The following EBF1 variants were observed in gnomAD, a reference collection of about 807,000 sequenced individuals.
EBF1 encodes the protein transcription factor COE1.
EBF1 carries 10 observed loss-of-function variants against 68.4 expected under a neutral mutation model. The observed-to-expected ratio is 0.15, with a 90% CI of 0.09 to 0.25. The LOEUF (loss-of-function observed/expected upper bound fraction) is 0.25, where lower values mean the gene tolerates loss of function less well. Among genes scored for constraint, EBF1 ranks in the 10% least tolerant of loss-of-function variants. The probability of loss-of-function intolerance (pLI) is 1.00; values close to 1 mark genes in which losing one functional copy is unlikely to be tolerated. For synonymous variants in EBF1, 298 were observed against 299.8 expected, an observed-to-expected ratio of 0.99 and a Z score of 0.06; for missense variants, 509 against 794.4, an observed-to-expected ratio of 0.64 and a Z score of 4.32.
In EBF1 at chr5:158,835,191, C is replaced by T. The variant is rs184608030; in HGVS notation, c.636+4838G>A. Among the ~76,000 whole-genome samples the T allele has an allele frequency of 4.6e-5, 7 of 152,318 alleles. No individual in the cohort carries two copies. The East Asian group carries it at 1.3e-3, about 29-fold the overall frequency. On this transcript the variant is annotated intron_variant, in intron 7 of 15. Coordinates refer to ENST00000313708, the MANE Select transcript of EBF1 (RefSeq NM_024007.5). The stretch of plus-strand genomic sequence containing the variant: ...AGGACAGCTACAGCAAAGACTAATC[C>T]TCCCTGTCTTGGTTCGGTCCTAAGA...
At chr5:158,800,946 A>T (rs1780463659) in intron 8 of EBF1, among the ~76,000 whole-genome samples, 1 of 152,124 alleles carries the variant, frequency 6.6e-6, no homozygotes, top group South Asian at 2.1e-4. Context: ...TTAATACAAG[A>T]TTCTTTCTTC....
At position 158,886,246 on chromosome 5, in the gene EBF1, C is replaced by T. The variant is rs553290148; in HGVS notation, c.555-46136G>A. 4.6e-5 allele frequency among the ~76,000 whole-genome samples: 7 copies of T among 152,334 alleles called. No homozygotes were observed. In the South Asian group the frequency reaches 1.4e-3, roughly 32 times the overall value. ...AAAGCTGTGTGGACCAGTGGCTAAA[C>T]CACAAGTTTTACAAACCCAACAGAC... is the stretch of plus-strand genomic sequence containing the variant. On this transcript the variant is annotated intron_variant, in intron 6 of 15. Transcript: ENST00000313708.
chr5:158,857,581 C>CA (rs1159768593), intron 6 of EBF1, among the ~76,000 whole-genome samples: 3 of 152,056 alleles, frequency 2.0e-5, no homozygotes, highest in Non-Finnish European at 4.4e-5. Context: ...TTTCTTCCCT[C>CA]AAGAACTAAG....
chr5:158,935,329 C>T (rs1167908856), intron 6 of EBF1, among the ~76,000 whole-genome samples: 1 of 152,208 alleles, frequency 6.6e-6, no homozygotes, highest in African/African-American at 2.4e-5. Context: ...CACCAAGGAG[C>T]TGAGGACACA....
intron 6 of EBF1, among the ~76,000 whole-genome samples, chr5:159,021,454 C>T (rs1050543578): frequency 1.3e-5 from 2 of 152,228 alleles, no homozygotes; most frequent in African/African-American, 4.8e-5. Context: ...AACAGAACAA[C>T]CACCTCGAAC....
At chr5:158,895,281 T>G (rs1801952228) in intron 6 of EBF1, among the ~76,000 whole-genome samples, 1 of 152,160 alleles carries the variant, frequency 6.6e-6, no homozygotes, top group South Asian at 2.1e-4. Context: ...AAATAACATT[T>G]AGCCAGGTTC....
chr5:158,775,829 C>T (rs1775105455), intron 10 of EBF1, among the ~76,000 whole-genome samples: 1 of 134,678 alleles, frequency 7.4e-6, no homozygotes, highest in Admixed American at 7.7e-5. Flanking sequence ...CACACACACA[C>T]TGCTATGTGG....
intron 13 of EBF1, among the ~76,000 whole-genome samples, chr5:158,712,604 A>G (rs1464254349): frequency 6.6e-6 from 1 of 152,180 alleles, no homozygotes; most frequent in Admixed American, 6.5e-5. Flanking sequence ...TTTAGAGCAG[A>G]AATAAATCCC....
intron 6 of EBF1, among the ~76,000 whole-genome samples, chr5:158,934,794 T>C (rs1400141003): frequency 6.6e-6 from 1 of 152,230 alleles, no homozygotes; most frequent in Non-Finnish European, 1.5e-5. Context: ...TGGCACATAG[T>C]ATTCACTAAA....
At chr5:158,709,965 T>C (rs368620483) in intron 14 of EBF1, among the ~76,000 whole-genome samples, 17 of 152,086 alleles carry the variant, frequency 1.1e-4, no homozygotes, top group East Asian at 9.7e-4. Flanking sequence ...TTAACAGAGG[T>C]AGAGGTAAAA....
intron 6 of EBF1, among the ~76,000 whole-genome samples, chr5:158,960,821 A>G (rs764963479): frequency 6.6e-6 from 1 of 152,186 alleles, no homozygotes; most frequent in Non-Finnish European, 1.5e-5. Flanking sequence ...AGGATACCCA[A>G]TCAGCCCCGG....
intron 10 of EBF1, among the ~76,000 whole-genome samples, chr5:158,758,946 G>C (rs1267390842): frequency 6.6e-5 from 10 of 152,132 alleles, no homozygotes; most frequent in South Asian, 2.1e-4. Context: ...GCTTCATAAT[G>C]ATGATTTCTT....
intron 6 of EBF1, among the ~76,000 whole-genome samples, chr5:158,981,319 T>C (rs922660771): frequency 6.6e-6 from 1 of 152,232 alleles, no homozygotes; most frequent in African/African-American, 2.4e-5. Context: ...TTTAATCTTT[T>C]CACTGGAAAG....
intron 10 of EBF1, among the ~76,000 whole-genome samples, chr5:158,736,346 T>G (rs1320754314): frequency 6.6e-6 from 1 of 152,250 alleles, no homozygotes; most frequent in Non-Finnish European, 1.5e-5. Context: ...AGGGGAAAAG[T>G]GCTTTGGGTG....
intron 7 of EBF1, among the ~76,000 whole-genome samples, chr5:158,838,799 A>C (rs1166680667): frequency 6.6e-6 from 1 of 152,258 alleles, no homozygotes; most frequent in African/African-American, 2.4e-5. Context: ...CATACTTTAA[A>C]CACCATGCTG....
intron 6 of EBF1, among the ~76,000 whole-genome samples, chr5:158,891,871 T>G (rs1801245722): frequency 6.6e-6 from 1 of 152,154 alleles, no homozygotes; most frequent in East Asian, 1.9e-4. Context: ...AAACAAATGA[T>G]GCAAAGCTCA....
chr5:158,960,631 G>T (rs760395829), intron 6 of EBF1, among the ~76,000 whole-genome samples: 2 of 152,212 alleles, frequency 1.3e-5, no homozygotes, highest in African/African-American at 2.4e-5. Flanking sequence ...TTCTTCAAGA[G>T]GTGGAACTTC....
intron 6 of EBF1, among the ~76,000 whole-genome samples, chr5:158,977,573 T>A (rs1228734746): frequency 6.6e-6 from 1 of 152,222 alleles, no homozygotes; most frequent in Non-Finnish European, 1.5e-5. Flanking sequence ...AAATTTAGCA[T>A]CCTATCAGTT....
chr5:158,823,393 T>C, intron 7 of EBF1, 76 bp from the exon 8 acceptor site: 1 of 1,416,912 alleles, frequency 7.1e-7, no homozygotes, highest in South Asian at 1.4e-5. Flanking sequence ...GTTAAATAAA[T>C]AACAGCTGGG....
Sources: gnomAD v4.1 joint callset for allele counts (sites outside exome capture counted in the v4.1 genomes callset) on GRCh38, gnomAD v4.1.1 for gene constraint, MANE v1.5 for transcripts, NCBI Gene and HGNC (gene_info 2026-07-23, HGNC 2026-07-21) for gene names.